ZNF222: variants seen among roughly 807,000 people sequenced by gnomAD.
ZNF222 encodes the protein zinc finger protein 222.
ZNF222 carries 8 observed loss-of-function variants against 11.6 expected under a neutral mutation model. That is an observed-to-expected ratio of 0.69 (90% CI 0.41 to 1.25). The LOEUF (loss-of-function observed/expected upper bound fraction) is 1.25. Ranked by LOEUF, ZNF222 falls within the 50% of genes most tolerant of loss-of-function variation. ZNF222 has a pLI of 0.01. For synonymous variants in ZNF222, 171 were observed against 195.6 expected, an observed-to-expected ratio of 0.87 and a Z score of 1.05; for missense variants, 483 against 576.1, an observed-to-expected ratio of 0.84 and a Z score of 1.65.
rs141160266 is a variant in ZNF222 at position 44,032,900 on chromosome 19, G to A, written c.1346G>A (p.Arg449Gln). The change falls in exon 4 of 4, where the codon CGG (arginine) becomes CAG (glutamine). Residue 449 changes from arginine (R) to glutamine (Q), a missense_variant. Physicochemically the swap from Arg to Gln is conservative, Grantham distance 43 (BLOSUM62 1). Transcript: ENST00000391960. Reference protein sequence around the residue: ...CEDCGKRLVCRSYCKDQQRDH... With the variant: ...CEDCGKRLVCQSYCKDQQRDH... The stretch of plus-strand genomic sequence containing the variant: ...GACTGTGGAAAGAGGCTTGTATGCC[G>A]GTCATACTGTAAAGACCAACAAAGA... 1.3e-4 allele frequency: 204 copies of A among 1,613,734 alleles called. No homozygotes were observed. In the African/African-American group the frequency reaches 1.4e-3, roughly 11 times the overall value.
intron 3 of ZNF222, among the ~76,000 whole-genome samples, chr19:44,029,186 GTTT>G (rs1364529196): frequency 3.1e-5 from 3 of 97,852 alleles, no homozygotes; most frequent in Admixed American, 9.7e-5. Flanking sequence ...GGTTTGTTTT[GTTT>G]TGTTTTTTTT....
At chr19:44,026,286 G>C (rs1419129244) in intron 1 of ZNF222, among the ~76,000 whole-genome samples, 1 of 100,368 alleles carries the variant, frequency 1.0e-5, no homozygotes, top group Non-Finnish European at 3.0e-5. Context: ...TTAAAGATGG[G>C]CGTGAGACAC....
chr19:44,031,769 C>G (rs763921939), intron 3 of ZNF222, 48 bp from the exon 4 acceptor site: 1 of 1,578,026 alleles, frequency 6.3e-7, no homozygotes. Flanking sequence ...GTGTGAGCCA[C>G]CGTGCCTGGC....
chr19:44,029,026 T>C (rs1976437381), intron 3 of ZNF222, among the ~76,000 whole-genome samples: 1 of 152,146 alleles, frequency 6.6e-6, no homozygotes, highest in South Asian at 2.1e-4. Flanking sequence ...GGATTCAATG[T>C]ATAGGACTCA....
rs762027700 is a variant in ZNF222 at position 44,032,898 on chromosome 19, C to T, written c.1344C>T (p.Cys448=). Residue 448 remains cysteine, a synonymous_variant, in exon 4 of 4, where the codon TGC becomes TGT. Transcript: ENST00000391960. ...AAGACTGTGGAAAGAGGCTTGTATG[C>T]CGGTCATACTGTAAAGACCAACAAA... ...KCEDCGKRLV[C]RSYCKDQQRD... 2.5e-6 allele frequency: 4 copies of T among 1,613,656 alleles called. No homozygotes were observed. Among genetic ancestry groups the T allele is most frequent in the Non-Finnish European group, 2.5e-6 (3 of 1,179,966 alleles).
At chr19:44,028,048 C>T (rs1346215512) in intron 3 of ZNF222, among the ~76,000 whole-genome samples, 1 of 152,168 alleles carries the variant, frequency 6.6e-6, no homozygotes, top group Admixed American at 6.5e-5. Context: ...GGGGAGAAGA[C>T]TTCATTTTGG....
rs376706868 is a variant in ZNF222, at chr19:44,025,441, T to C, written c.5T>C (p.Ile2Thr). 4 of 1,551,342 alleles carry C rather than the reference T, an allele frequency of 2.6e-6. No homozygotes were observed. In the African/African-American group the frequency reaches 5.5e-5, roughly 21 times the overall value. Residue 2 changes from isoleucine to threonine, a missense_variant, in exon 1 of 4, where the codon ATC (isoleucine) becomes ACC (threonine). Physicochemically the swap from Ile to Thr is moderately conservative, Grantham distance 89. Coordinates refer to ENST00000391960, the MANE Select transcript of ZNF222 (RefSeq NM_001129996.2). This position sits in a 1 kb window ranked among gnomAD's most constrained non-coding sequence, Gnocchi z 4.6. MIDSGEKKPGRR... is the reference protein window; with the variant it reads MTDSGEKKPGRR... ...CTTGGGGCTCGCAACCACCCAATGA[T>C]CGATTCAGGAGAAAAGAAGCCTGGG...
chr19:44,027,897 G>T (rs1311451323), intron 3 of ZNF222, among the ~76,000 whole-genome samples: 1 of 152,044 alleles, frequency 6.6e-6, no homozygotes, highest in Non-Finnish European at 1.5e-5. Flanking sequence ...ACATTGTATT[G>T]CCTATTGTGG....
chr19:44,029,281 G>A (rs1187616209), intron 3 of ZNF222, among the ~76,000 whole-genome samples: 1 of 132,832 alleles, frequency 7.5e-6, no homozygotes, highest in African/African-American at 2.8e-5. Context: ...GGTTTTCTGT[G>A]TGTGCAGTTG....
rs1356892105 is a variant in ZNF222, at chr19:44,025,430, C to T, written c.-7C>T. The T allele has an allele frequency of 6.4e-7, 1 of 1,551,656 alleles. No homozygotes were observed. Among genetic ancestry groups the T allele is most frequent in the Admixed American group, 2.0e-5 (1 of 51,002 alleles). The stretch of plus-strand genomic sequence containing the variant: ...AGTCTCCTTTCCTTGGGGCTCGCAA[C>T]CACCCAATGATCGATTCAGGAGAAA... On this transcript the variant is annotated 5_prime_UTR_variant, in exon 1 of 4. Coordinates refer to ENST00000391960, the MANE Select transcript of ZNF222 (RefSeq NM_001129996.2). The surrounding 1 kb of genome is among the most constrained non-coding windows in gnomAD (Gnocchi z 4.6).
Position 44,032,776 on chromosome 19 carries a change from T to G in ZNF222, c.1222T>G (p.Ser408Ala). 1 of 1,614,048 alleles carries G rather than the reference T, an allele frequency of 6.2e-7. No homozygotes were observed. The highest frequency in any genetic ancestry group is 8.5e-7 in the Non-Finnish European group (1 of 1,179,998). Reference sequence around the variant, plus strand: ...CCATAGAACCCACACGGGAGAGAGATCTTATAACTGTGATAACTGCGGGAA... The same window carrying G: ...CCATAGAACCCACACGGGAGAGAGAGCTTATAACTGTGATAACTGCGGGAA... ...FHHRTHTGER[S>A]YNCDNCGKSF... The change falls in exon 4 of 4, where the codon TCT becomes GCT. Residue 408 changes from serine (S) to alanine (A), a missense_variant. Ser to Ala is a moderately conservative substitution (Grantham distance 99). Coordinates refer to ENST00000391960, the MANE Select transcript of ZNF222 (RefSeq NM_001129996.2).
At chr19:44,028,230 C>T (rs1039516007) in intron 3 of ZNF222, 2 of 398,942 alleles carry the variant, frequency 5.0e-6, no homozygotes, top group Non-Finnish European at 8.8e-6. Flanking sequence ...GTATTCATCA[C>T]TCCTGGATGA....
In ZNF222 at chr19:44,032,927, A is replaced by G. The variant is rs767478331; in HGVS notation, c.1373A>G (p.Asp458Gly). Residue 458 changes from aspartate (D) to glycine (G), a missense_variant, in exon 4 of 4, where the codon GAC becomes GGC. Transcript: ENST00000391960. ...CRSYCKDQQR[D>G]HSGENPSKCE... is the part of the protein sequence containing the mutation. ...TCATACTGTAAAGACCAACAAAGAGACCACAGTGGAGAAAACCCATCCAAA... is the reference window on the plus strand; with the variant it reads ...TCATACTGTAAAGACCAACAAAGAGGCCACAGTGGAGAAAACCCATCCAAA... 8 of 1,611,106 alleles carry G rather than the reference A, an allele frequency of 5.0e-6. No individual in the cohort carries two copies. In the South Asian group the frequency reaches 8.9e-5, roughly 18 times the overall value.
intron 3 of ZNF222, among the ~76,000 whole-genome samples, chr19:44,031,309 A>C (rs1976496260): frequency 6.6e-6 from 1 of 152,234 alleles, no homozygotes; most frequent in African/African-American, 2.4e-5. Context: ...GTGGTTCTAA[A>C]TTGGTCTCAT....
chr19:44,027,909 C>T (rs1018112947), intron 3 of ZNF222, among the ~76,000 whole-genome samples: 3 of 152,106 alleles, frequency 2.0e-5, no homozygotes, highest in Admixed American at 1.3e-4. Context: ...CTATTGTGGC[C>T]GGTGACATAA....
chr19:44,026,542 C>CTCTCTA (rs1352148976), intron 1 of ZNF222, among the ~76,000 whole-genome samples: 50 of 114,908 alleles, frequency 4.4e-4, no homozygotes, highest in African/African-American at 1.6e-3. Context: ...CTCTCTCTCT[C>CTCTCTA]TATATATATA....
Position 44,032,019 on chromosome 19 carries a change from A to T in ZNF222, c.465A>T (p.Lys155Asn). Reference sequence around the variant, plus strand: ...TATCTACAGTTCACACAAGAGAAAAACCTTTCCAGGGTGAAAATTGTAAAC... The same window carrying T: ...TATCTACAGTTCACACAAGAGAAAATCCTTTCCAGGGTGAAAATTGTAAAC... ...ARLSTVHTRE[K>N]PFQGENCKQF... The change falls in exon 4 of 4, where the codon AAA becomes AAT. Residue 155 changes from lysine to asparagine, a missense_variant. Physicochemically the swap from Lys to Asn is moderately conservative, Grantham distance 94. Coordinates refer to ENST00000391960, the MANE Select transcript of ZNF222 (RefSeq NM_001129996.2). 4.3e-6 allele frequency: 7 copies of T among 1,614,090 alleles called. No homozygotes were observed. Among genetic ancestry groups the T allele is most frequent in the Non-Finnish European group, 5.9e-6 (7 of 1,180,002 alleles).
In ZNF222 at chr19:44,025,542, T is replaced by C; in HGVS notation, c.42+64T>C. On this transcript the variant is annotated intron_variant, in intron 1 of 3. Coordinates refer to ENST00000391960, the MANE Select transcript of ZNF222 (RefSeq NM_001129996.2). This position sits in a 1 kb window ranked among gnomAD's most constrained non-coding sequence, Gnocchi z 4.6. ...GCTGAGCCTTCTGGCGTCGGGGGGC[T>C]CTGCTAGGGTCTCAGGGAGTGGGAT... The C allele has an allele frequency of 6.7e-7, 1 of 1,489,634 alleles. No individual in the cohort carries two copies. The highest frequency in any genetic ancestry group is 9.0e-7 in the Non-Finnish European group (1 of 1,114,966). 92.3% of individuals were successfully genotyped at this position (1,489,634 alleles called of 1,614,324 possible). A position where few individuals can be genotyped will look rare whatever the true frequency, so the allele number is the denominator to read the frequency against.
chr19:44,027,620 C>T (rs1013728541), intron 3 of ZNF222, 130 bp downstream of exon 3: 34 of 869,360 alleles, frequency 3.9e-5, no homozygotes, highest in South Asian at 6.0e-5. Flanking sequence ...CTGCTGATGC[C>T]CCTGCTCCCA....
Sources: gnomAD v4.1 joint callset for allele counts (sites outside exome capture counted in the v4.1 genomes callset) on GRCh38, gnomAD v4.1.1 for gene constraint, Gnocchi (gnomAD v3.1) non-coding constraint, MANE v1.5 for transcripts, NCBI Gene and HGNC (gene_info 2026-07-23, HGNC 2026-07-21) for gene names.